Variants in STAC observed in about 807,000 individuals in gnomAD.
STAC encodes SH3 and cysteine-rich domain-containing protein.
Under a neutral mutation model 48.8 loss-of-function variants are expected in STAC, and 43 were observed. That is an observed-to-expected ratio of 0.88 (90% CI 0.69 to 1.14). The LOEUF is 1.14. Among genes scored for constraint, STAC ranks in the 50% most tolerant of loss-of-function variants. STAC has a pLI of 0.00. For missense variants in STAC, 497 were observed against 504.0 expected (o/e 0.99, Z 0.13); for synonymous variants, 193 against 179.5 (o/e 1.07, Z -0.60).
chr3:36,503,778 A>C (rs1215420828), intron 6 of STAC, among the ~76,000 whole-genome samples: 1 of 152,158 alleles, frequency 6.6e-6, no homozygotes, highest in Non-Finnish European at 1.5e-5. Context: ...AAGGCTACAG[A>C]GTGGATACTT....
intron 5 of STAC, among the ~76,000 whole-genome samples, chr3:36,491,841 C>T (rs1359318231): frequency 1.3e-5 from 2 of 149,732 alleles, no homozygotes; most frequent in South Asian, 2.1e-4. Flanking sequence ...CAGTGAAATC[C>T]TGTCTCTACC....
intron 1 of STAC, among the ~76,000 whole-genome samples, chr3:36,442,737 C>G: frequency 8.0e-6 from 1 of 125,218 alleles, no homozygotes; most frequent in African/African-American, 3.1e-5. Context: ...TGTCCTATGT[C>G]CTACACACAC....
intron 5 of STAC, among the ~76,000 whole-genome samples, chr3:36,491,530 A>G (rs1390745381): frequency 6.6e-6 from 1 of 151,792 alleles, no homozygotes; most frequent in Non-Finnish European, 1.5e-5. Context: ...TGACTTAGAG[A>G]CCCTGTGACT....
chr3:36,538,339 T>C (rs1699246229), intron 10 of STAC, among the ~76,000 whole-genome samples: 1 of 152,190 alleles, frequency 6.6e-6, no homozygotes, highest in Non-Finnish European at 1.5e-5. Context: ...GCCTACAATA[T>C]TTAGCATTTG....
intron 2 of STAC, among the ~76,000 whole-genome samples, chr3:36,467,971 G>A (rs758315916): frequency 3.3e-5 from 5 of 152,060 alleles, no homozygotes; most frequent in Non-Finnish European, 7.4e-5. Flanking sequence ...ACTTTTTGAT[G>A]TAGGTATTTA....
Position 36,507,646 on chromosome 3 carries a change from G to A in STAC, c.920+1812G>A, listed in dbSNP as rs1024096296. On this transcript the variant is annotated intron_variant, in intron 8 of 10. Coordinates refer to ENST00000273183, the MANE Select transcript of STAC (RefSeq NM_003149.3). ...TGACTTCTTTCTGATTTAGTCTTGGGAGGGTGTATGTGTCCAGGAATTTAT... is the reference window on the plus strand; with the variant it reads ...TGACTTCTTTCTGATTTAGTCTTGGAAGGGTGTATGTGTCCAGGAATTTAT... 4.6e-5 allele frequency among the ~76,000 whole-genome samples: 7 copies of A among 152,232 alleles called. No individual in the cohort carries two copies. In the South Asian group the frequency reaches 1.5e-3, roughly 32 times the overall value.
At chr3:36,474,716 T>C (rs1458659409) in intron 2 of STAC, among the ~76,000 whole-genome samples, 2 of 152,242 alleles carry the variant, frequency 1.3e-5, no homozygotes, top group African/African-American at 4.8e-5. Context: ...CAGTGAATTA[T>C]ATACCCATCC....
At chr3:36,450,954 T>C (rs1696659989) in intron 2 of STAC, among the ~76,000 whole-genome samples, 1 of 152,238 alleles carries the variant, frequency 6.6e-6, no homozygotes. Flanking sequence ...TTTTGTCATG[T>C]TCTGTAAGTG....
chr3:36,542,487 T>C (rs1699351469), intron 10 of STAC, among the ~76,000 whole-genome samples: 1 of 152,172 alleles, frequency 6.6e-6, no homozygotes. Flanking sequence ...GTACACTGAA[T>C]TTTTTCCATT....
At chr3:36,476,503 A>T (rs1407506328) in intron 2 of STAC, among the ~76,000 whole-genome samples, 1 of 152,220 alleles carries the variant, frequency 6.6e-6, no homozygotes, top group Non-Finnish European at 1.5e-5. Context: ...CTGATAAAGC[A>T]AAGGAGGAAC....
chr3:36,400,527 T>G (rs1040132029), intron 1 of STAC, among the ~76,000 whole-genome samples: 3 of 152,160 alleles, frequency 2.0e-5, no homozygotes, highest in East Asian at 3.8e-4. Context: ...ACCTATACGC[T>G]GGGTTGGGAC....
chr3:36,514,635 T>C (rs548767765), intron 8 of STAC, among the ~76,000 whole-genome samples: 3 of 152,214 alleles, frequency 2.0e-5, no homozygotes, highest in Non-Finnish European at 4.4e-5. Flanking sequence ...AGATGCATAG[T>C]AGATAATAAT....
At chr3:36,491,332 T>C (rs2125705224) in intron 5 of STAC, among the ~76,000 whole-genome samples, 1 of 152,340 alleles carries the variant, frequency 6.6e-6, no homozygotes, top group African/African-American at 2.4e-5. Flanking sequence ...CTTTCAAATG[T>C]TCTAAAATAT....
rs1439003163 is a variant in STAC, at chr3:36,443,455, A to G, written c.203A>G (p.Asp68Gly). Residue 68 changes from aspartate to glycine, a missense_variant, in exon 2 of 11, where the codon GAC becomes GGC. Physicochemically the swap from Asp to Gly is moderately conservative, Grantham distance 94. Transcript: ENST00000273183. This position sits in a 1 kb window ranked among gnomAD's most constrained non-coding sequence, Gnocchi z 4.2. Reference sequence around the variant, plus strand: ...TTCTTCCAGCGAACCAACAGCGAAGACATGAAACTGCAAGCACACATGGTG... The same window carrying G: ...TTCTTCCAGCGAACCAACAGCGAAGGCATGAAACTGCAAGCACACATGGTG... ...DNFFQRTNSEDMKLQAHMVAE... is the reference protein window; with the variant it reads ...DNFFQRTNSEGMKLQAHMVAE... The G allele has an allele frequency of 6.2e-7, 1 of 1,614,130 alleles. No homozygotes were observed.
intron 10 of STAC, among the ~76,000 whole-genome samples, chr3:36,535,212 G>A (rs1699170455): frequency 6.6e-6 from 1 of 152,084 alleles, no homozygotes; most frequent in African/African-American, 2.4e-5. Context: ...TGTATTCTAG[G>A]TATTTTAGAC....
At chr3:36,477,256 A>G (rs1285437008) in intron 2 of STAC, among the ~76,000 whole-genome samples, 1 of 152,174 alleles carries the variant, frequency 6.6e-6, no homozygotes, top group African/African-American at 2.4e-5. Flanking sequence ...TAAGTACTGT[A>G]CTGATTACAT....
At chr3:36,413,597 C>T (rs1257922776) in intron 1 of STAC, among the ~76,000 whole-genome samples, 1 of 152,158 alleles carries the variant, frequency 6.6e-6, no homozygotes, top group Non-Finnish European at 1.5e-5. Flanking sequence ...TTCCCGAATA[C>T]AGCACACTGA....
intron 2 of STAC, among the ~76,000 whole-genome samples, chr3:36,469,775 T>C (rs1037679295): frequency 3.4e-4 from 51 of 152,210 alleles, no homozygotes; most frequent in African/African-American, 1.2e-3. Flanking sequence ...TTTTATTTTT[T>C]TTTATTTTTC....
intron 2 of STAC, among the ~76,000 whole-genome samples, chr3:36,444,056 A>G (rs1559493647): frequency 6.6e-6 from 1 of 152,184 alleles, no homozygotes; most frequent in Non-Finnish European, 1.5e-5. Context: ...GTGACATCCA[A>G]TATGGCCTGG....
Sources: gnomAD v4.1 joint callset for allele counts (sites outside exome capture counted in the v4.1 genomes callset) on GRCh38, gnomAD v4.1.1 for gene constraint, Gnocchi (gnomAD v3.1) non-coding constraint, MANE v1.5 for transcripts, NCBI Gene and HGNC (gene_info 2026-07-23, HGNC 2026-07-21) for gene names.